The following JADE3 variants were observed in gnomAD, a reference collection of about 807,000 sequenced individuals.
JADE3 encodes the protein jade family PHD finger 3.
JADE3 carries 2 observed loss-of-function variants against 50.1 expected under a neutral mutation model. The ratio of observed to expected loss-of-function variants is 0.04; its 90% CI spans 0.02 to 0.13. JADE3 has a LOEUF of 0.13. Ranked by LOEUF, JADE3 falls within the 10% of genes least tolerant of loss-of-function variation. The probability of loss-of-function intolerance (pLI) is 1.00; values close to 1 mark genes in which losing one functional copy is unlikely to be tolerated. For synonymous variants in JADE3, 218 were observed against 232.9 expected (o/e 0.94, Z 0.58); for missense variants, 475 against 634.4 (o/e 0.75, Z 2.70).
chrX:47,045,842 CAAA>C (rs782659514), intron 8 of JADE3, among the ~76,000 whole-genome samples: 1 of 87,302 alleles, frequency 1.1e-5, no homozygotes, highest in Admixed American at 1.3e-4. Flanking sequence ...TGTCTTGAAA[CAAA>C]AAAAAAAAAA....
In JADE3 at chrX:46,931,210, C is replaced by T. The variant is rs376941393; in HGVS notation, c.-12+18491C>T. Among the ~76,000 whole-genome samples, 6 of 110,939 alleles carry T rather than the reference C, an allele frequency of 5.4e-5. No individual in the cohort carries two copies. The South Asian group carries it at 2.3e-3, about 43-fold the overall frequency. ...CAGGCATAATACCTTTTACTTATGC[C>T]TTTTCTCATTGCCAGCATATCTCCA... On this transcript the variant is annotated intron_variant, in intron 1 of 10. Transcript: ENST00000614628.
chrX:46,978,094 C>T, intron 1 of JADE3, among the ~76,000 whole-genome samples: 1 of 111,889 alleles, frequency 8.9e-6, no homozygotes, highest in Admixed American at 9.5e-5. Flanking sequence ...CTAGTGACAA[C>T]AGGGCTGACC....
intron 10 of JADE3, among the ~76,000 whole-genome samples, chrX:47,057,536 A>G (rs1281195160): frequency 1.8e-5 from 2 of 111,176 alleles, no homozygotes; most frequent in African/African-American, 6.6e-5. Context: ...TGGCCTTACC[A>G]CTACAAAACC....
At chrX:46,975,911 G>A (rs1346229318) in intron 1 of JADE3, among the ~76,000 whole-genome samples, 1 of 107,474 alleles carries the variant, frequency 9.3e-6, no homozygotes, top group Non-Finnish European at 1.9e-5. Flanking sequence ...GTAGAGACGC[G>A]GTTTCACCAT....
intron 1 of JADE3, among the ~76,000 whole-genome samples, chrX:46,972,388 G>C (rs1427776771): frequency 9.0e-6 from 1 of 110,607 alleles, no homozygotes; most frequent in South Asian, 3.8e-4. Context: ...TAGAGATGTG[G>C]TTTTGCCGTG....
At chrX:47,020,330 CA>C (rs371127670) in intron 4 of JADE3, among the ~76,000 whole-genome samples, 745 of 65,074 alleles carry the variant, frequency 0.011, 2 homozygotes, top group South Asian at 0.038. Context: ...GACTTGGTCT[CA>C]AAAAAAAAAA....
At chrX:46,975,875 A>C (rs1252773748) in intron 1 of JADE3, among the ~76,000 whole-genome samples, 7 of 107,163 alleles carry the variant, frequency 6.5e-5, no homozygotes, top group African/African-American at 2.4e-4. Flanking sequence ...ACCTGCCACC[A>C]CACCCAGCTA....
intron 6 of JADE3, 122 bp from the exon 7 acceptor site, chrX:47,033,499 T>C (rs1001264646): frequency 1.9e-5 from 10 of 535,277 alleles, no homozygotes; most frequent in African/African-American, 4.7e-5. Flanking sequence ...GATATAAGCT[T>C]GTTCGGCTTT....
chrX:46,951,830 A>G (rs182309564), intron 1 of JADE3, among the ~76,000 whole-genome samples: 4 of 109,722 alleles, frequency 3.6e-5, no homozygotes, highest in South Asian at 7.7e-4. Context: ...TCAGTTCTAG[A>G]GTTTCCATTT....
chrX:46,919,577 G>A (rs1926177049), intron 1 of JADE3, among the ~76,000 whole-genome samples: 1 of 111,832 alleles, frequency 8.9e-6, no homozygotes, highest in African/African-American at 3.3e-5. Context: ...CCAATTTGGG[G>A]CATCAGCCTT....
rs1926098605 is a variant in JADE3 at position 46,916,928 on chromosome X, T to C, written c.-12+4209T>C. ...TTTGGGATGGGTGTAACTATGAAGATCTGTCTTCTCTGAGGCCTGCTCTTA... is the reference window on the plus strand; with the variant it reads ...TTTGGGATGGGTGTAACTATGAAGACCTGTCTTCTCTGAGGCCTGCTCTTA... On this transcript the variant is annotated intron_variant, in intron 1 of 10. Coordinates refer to ENST00000614628, the MANE Select transcript of JADE3 (RefSeq NM_014735.5). 3.6e-5 allele frequency among the ~76,000 whole-genome samples: 4 copies of C among 111,409 alleles called. No individual in the cohort carries two copies. The South Asian group carries it at 1.1e-3, about 32-fold the overall frequency.
intron 4 of JADE3, among the ~76,000 whole-genome samples, chrX:47,015,665 T>C (rs1928656397): frequency 9.1e-6 from 1 of 109,709 alleles, no homozygotes; most frequent in Admixed American, 9.8e-5. Flanking sequence ...GAAATAATTA[T>C]TATGTATTGG....
intron 1 of JADE3, among the ~76,000 whole-genome samples, chrX:46,923,153 T>C (rs1436255433): frequency 3.7e-5 from 4 of 108,789 alleles, no homozygotes; most frequent in African/African-American, 1.3e-4. Context: ...GCTGGGACTA[T>C]AGGTGTGCTC....
rs781890994 is a variant in JADE3, at chrX:47,046,941, T to A, written c.973-7217T>A. Among the ~76,000 whole-genome samples the A allele has an allele frequency of 6.7e-4, 75 of 111,825 alleles. No homozygotes were observed. In the South Asian group the frequency reaches 0.025, roughly 37 times the overall value. On this transcript the variant is annotated intron_variant, in intron 8 of 10. Coordinates refer to ENST00000614628, the MANE Select transcript of JADE3 (RefSeq NM_014735.5). ...ACATAAAGGATAAATGCTTGAGGTG[T>A]GGGATAGAAATTGAATAACATAGAG...
rs1929712541 is a variant in JADE3 at position 47,059,379 on chromosome X, G to A, written c.*302G>A. On this transcript the variant is annotated 3_prime_UTR_variant, in exon 11 of 11. Coordinates refer to ENST00000614628, the MANE Select transcript of JADE3 (RefSeq NM_014735.5). ...TTCCGGTTATATAACACATTGACAA[G>A]TATATGTATTAAGAGTCCTTGCATT... 1 of 234,516 alleles carries A rather than the reference G, an allele frequency of 4.3e-6. No homozygotes were observed. The highest frequency in any genetic ancestry group is 6.5e-5 in the Admixed American group (1 of 15,462). The allele number at this position is 234,516 out of a possible 1,213,427, so 19.3% of individuals were successfully genotyped here.
intron 1 of JADE3, among the ~76,000 whole-genome samples, chrX:46,960,159 G>A (rs1248261232): frequency 1.8e-5 from 2 of 109,674 alleles, no homozygotes; most frequent in African/African-American, 6.6e-5. Flanking sequence ...TCAGAGTACT[G>A]TCACAGTTTT....
chrX:47,048,830 T>C (rs1239378330), intron 8 of JADE3, among the ~76,000 whole-genome samples: 1 of 111,587 alleles, frequency 9.0e-6, no homozygotes, highest in African/African-American at 3.3e-5. Context: ...CTTTATGGTA[T>C]ATAAAATATA....
intron 4 of JADE3, among the ~76,000 whole-genome samples, chrX:47,019,598 A>G (rs1245677497): frequency 8.9e-6 from 1 of 111,837 alleles, no homozygotes; most frequent in Non-Finnish European, 1.9e-5. Flanking sequence ...TACAAAACCT[A>G]TGAGGTTTTG....
intron 4 of JADE3, among the ~76,000 whole-genome samples, chrX:47,005,493 G>A (rs1366196119): frequency 2.7e-5 from 3 of 111,708 alleles, no homozygotes; most frequent in East Asian, 2.8e-4. Context: ...CACCCACTTC[G>A]GCCTCCCAAA....
Sources: gnomAD v4.1 joint callset for allele counts (sites outside exome capture counted in the v4.1 genomes callset) on GRCh38, gnomAD v4.1.1 for gene constraint, MANE v1.5 for transcripts, NCBI Gene and HGNC (gene_info 2026-07-23, HGNC 2026-07-21) for gene names.